PUM1: variants seen among roughly 807,000 people sequenced by gnomAD.
PUM1 encodes pumilio RNA binding family member 1.
PUM1 carries 13 observed loss-of-function variants against 131.8 expected under a neutral mutation model. That is an observed-to-expected ratio of 0.10 (90% CI 0.06 to 0.16). PUM1 has a LOEUF of 0.16. Ranked by LOEUF, PUM1 falls within the 10% of genes least tolerant of loss-of-function variation. The pLI is 1.00. For synonymous variants in PUM1, 509 were observed against 556.5 expected (o/e 0.91, Z 1.20); for missense variants, 961 against 1,512.4 (o/e 0.64, Z 6.05).
intron 3 of PUM1, among the ~76,000 whole-genome samples, chr1:31,012,606 A>G (rs1457742137): frequency 1.3e-5 from 2 of 152,056 alleles, no homozygotes; most frequent in Non-Finnish European, 2.9e-5. Flanking sequence ...GCTTCTGGAA[A>G]ACAAAATAGA....
At chr1:31,033,207 T>G (rs954043040) in intron 2 of PUM1, among the ~76,000 whole-genome samples, 15 of 151,566 alleles carry the variant, frequency 9.9e-5, no homozygotes, top group African/African-American at 3.6e-4. Flanking sequence ...ACCTTACTGA[T>G]TTTTCCTTTT....
chr1:31,043,869 C>A (rs1643895453), intron 2 of PUM1, among the ~76,000 whole-genome samples: 1 of 152,130 alleles, frequency 6.6e-6, no homozygotes, highest in South Asian at 2.1e-4. Flanking sequence ...ATCCTCCCAT[C>A]CCCCATTTCT....
intron 2 of PUM1, among the ~76,000 whole-genome samples, chr1:31,042,331 TAAATA>T (rs778092674): frequency 1.1e-4 from 17 of 151,084 alleles, no homozygotes; most frequent in African/African-American, 1.9e-4. Context: ...AATAAATAAA[TAAATA>T]AAATAAAATA....
Position 31,024,600 on chromosome 1 carries a change from T to C in PUM1, c.432+4196A>G, listed in dbSNP as rs139390085. Among the ~76,000 whole-genome samples the C allele has an allele frequency of 2.6e-3, 393 of 152,322 alleles. 2 individuals carry two copies. The highest frequency in any genetic ancestry group is 9.1e-3 in the African/African-American group (378 of 41,580). On this transcript the variant is annotated intron_variant, in intron 3 of 21. Transcript: ENST00000426105. ...GTTGTAGAAATAAGCTAGTATTCAC[T>C]ACTATTTTAACTTCCCTGGAAGTTG...
intron 2 of PUM1, among the ~76,000 whole-genome samples, chr1:31,051,557 C>CA (rs1368612771): frequency 6.6e-6 from 1 of 151,982 alleles, no homozygotes; most frequent in African/African-American, 2.4e-5. Flanking sequence ...CCTGCCTTGG[C>CA]CTCCCAAAGT....
At chr1:30,966,762 ATTATT>A (rs986066825) in intron 12 of PUM1, among the ~76,000 whole-genome samples, 2 of 152,178 alleles carry the variant, frequency 1.3e-5, no homozygotes, top group Admixed American at 6.5e-5. Flanking sequence ...AACCAAATGT[ATTATT>A]TTGTCACTTC....
chr1:31,053,293 C>T (rs1268958644), intron 2 of PUM1, among the ~76,000 whole-genome samples: 2 of 150,884 alleles, frequency 1.3e-5, no homozygotes, highest in Admixed American at 6.6e-5. Context: ...AGCCACCACG[C>T]CCAGTCCACA....
chr1:30,933,447 C>G, intron 21 of PUM1, 105 bp from the exon 22 acceptor site: 2 of 605,336 alleles, frequency 3.3e-6, no homozygotes, highest in Non-Finnish European at 2.8e-6. Context: ...CATACACACA[C>G]ACACACACAC....
At chr1:31,010,758 G>A (rs1219046156) in intron 3 of PUM1, among the ~76,000 whole-genome samples, 1 of 152,202 alleles carries the variant, frequency 6.6e-6, no homozygotes, top group Non-Finnish European at 1.5e-5. Flanking sequence ...CAAGCTTTGA[G>A]ATGAATGCAG....
chr1:31,044,350 T>C (rs1255293866), intron 2 of PUM1, among the ~76,000 whole-genome samples: 1 of 152,048 alleles, frequency 6.6e-6, no homozygotes, highest in East Asian at 1.9e-4. Context: ...TGCAGTGAGC[T>C]GAGATCGTGC....
intron 5 of PUM1, among the ~76,000 whole-genome samples, chr1:31,002,026 G>A (rs1642235725): frequency 6.6e-6 from 1 of 152,186 alleles, no homozygotes; most frequent in Non-Finnish European, 1.5e-5. Context: ...GACTTTGGTA[G>A]TAAGACTTCT....
In PUM1 at chr1:30,968,469, T is replaced by C. The variant is rs202191174; in HGVS notation, c.1530A>G (p.Gln510=). The C allele has an allele frequency of 3.9e-4, 621 of 1,590,186 alleles. No homozygotes were observed. The highest frequency in any genetic ancestry group is 3.8e-3 in the Middle Eastern group (23 of 5,986). Residue 510 remains glutamine (Q), a synonymous_variant, in exon 11 of 22, where the codon CAA becomes CAG. Coordinates refer to ENST00000426105, the MANE Select transcript of PUM1 (RefSeq NM_001020658.2). ...QQQVLRGGAS[Q]RPLTPNQNQQ... ...GGTTCTGGTTTGGGGTCAAAGGACG[T>C]TGGCTGGCTCCTCCACGGAGAACCT... is the stretch of plus-strand genomic sequence containing the variant.
rs573452933 is a variant in PUM1 at position 30,962,080 on chromosome 1, A to G, written c.2323+2594T>C. The stretch of plus-strand genomic sequence containing the variant: ...ACAGACTGAGCTGAGGCAAAGCTGT[A>G]CTGAGACAAAGAGTTCCTCAGGAAT... On this transcript the variant is annotated intron_variant, in intron 14 of 21. Coordinates refer to ENST00000426105, the MANE Select transcript of PUM1 (RefSeq NM_001020658.2). Among the ~76,000 whole-genome samples, 15 of 152,362 alleles carry G rather than the reference A, an allele frequency of 9.8e-5. No individual in the cohort carries two copies. In the East Asian group the frequency reaches 2.9e-3, roughly 29 times the overall value.
intron 9 of PUM1, among the ~76,000 whole-genome samples, chr1:30,976,543 C>T (rs1319376181): frequency 6.6e-5 from 10 of 152,068 alleles, no homozygotes; most frequent in African/African-American, 2.4e-4. Flanking sequence ...TTCTTGTTTC[C>T]CCCATTTTAA....
At chr1:31,051,818 C>CTT (rs1037418654) in intron 2 of PUM1, among the ~76,000 whole-genome samples, 37 of 152,208 alleles carry the variant, frequency 2.4e-4, no homozygotes, top group African/African-American at 8.7e-4. Context: ...AACCAATCGA[C>CTT]TTTAATTTTT....
intron 3 of PUM1, among the ~76,000 whole-genome samples, chr1:31,017,641 G>C (rs1218681190): frequency 3.3e-5 from 5 of 151,886 alleles, no homozygotes; most frequent in East Asian, 1.9e-4. Flanking sequence ...CCCTGATTTA[G>C]AGTGAGTGAG....
chr1:30,971,302 C>CA (rs1217750308), intron 10 of PUM1, among the ~76,000 whole-genome samples: 2 of 151,924 alleles, frequency 1.3e-5, no homozygotes, highest in African/African-American at 4.8e-5. Flanking sequence ...GGCAGTTTAC[C>CA]AAAAAAATCA....
At chr1:31,025,380 CA>C (rs747228988) in intron 3 of PUM1, among the ~76,000 whole-genome samples, 1 of 152,136 alleles carries the variant, frequency 6.6e-6, no homozygotes, top group Non-Finnish European at 1.5e-5. Context: ...ACATTCTTTA[CA>C]TAACTAGCAT....
chr1:30,961,559 G>A (rs1050011352), intron 14 of PUM1, among the ~76,000 whole-genome samples: 5 of 151,752 alleles, frequency 3.3e-5, no homozygotes, highest in Admixed American at 2.6e-4. Flanking sequence ...AACTCAAAAA[G>A]GTTTGTTTTT....
Sources: gnomAD v4.1 joint callset for allele counts (sites outside exome capture counted in the v4.1 genomes callset) on GRCh38, gnomAD v4.1.1 for gene constraint, MANE v1.5 for transcripts, NCBI Gene and HGNC (gene_info 2026-07-23, HGNC 2026-07-21) for gene names.